Variants in FMN2 observed in about 807,000 individuals in gnomAD.
The protein encoded by FMN2 is formin-2.
In FMN2, 51 loss-of-function variants were observed where a neutral mutation model predicts 142.3. The ratio of observed to expected loss-of-function variants is 0.36; its 90% confidence interval spans 0.29 to 0.45. The LOEUF is 0.45. Among genes scored for constraint, FMN2 ranks in the 20% least tolerant of loss-of-function variants. The pLI is 1.00. For synonymous variants in FMN2, 882 were observed against 869.8 expected, an observed-to-expected ratio of 1.01 and a Z score of -0.25; for missense variants, 1,936 against 2,122.8, an observed-to-expected ratio of 0.91 and a Z score of 1.73.
chr1:240,275,244 C>G lies in FMN2; in HGVS notation c.4153+17212C>G, dbSNP rs184766406. 3.5e-3 allele frequency among the ~76,000 whole-genome samples: 526 copies of G among 152,042 alleles called. 4 individuals are homozygous for G. The highest frequency in any genetic ancestry group is 0.025 in the South Asian group (122 of 4,802). ...CCTAATGCTATCCCTCCCCTAGCCC[C>G]CCAACCCCAAACAGGCCCCAGTGTG... On this transcript the variant is annotated intron_variant, in intron 7 of 17. Coordinates refer to ENST00000319653, the MANE Select transcript of FMN2 (RefSeq NM_020066.5).
chr1:240,314,003 C>T (rs1419726430), intron 8 of FMN2, among the ~76,000 whole-genome samples: 1 of 152,020 alleles, frequency 6.6e-6, no homozygotes, highest in Non-Finnish European at 1.5e-5. Context: ...TGTTAACATC[C>T]TGAAAAATAT....
chr1:240,244,476 G>A (rs989756173), intron 6 of FMN2, among the ~76,000 whole-genome samples: 3 of 152,108 alleles, frequency 2.0e-5, no homozygotes, highest in East Asian at 1.9e-4. Context: ...TTCCGAATTA[G>A]CAATAAACAC....
At chr1:240,381,010 A>AT (rs955901680) in intron 14 of FMN2, among the ~76,000 whole-genome samples, 2 of 152,138 alleles carry the variant, frequency 1.3e-5, no homozygotes, top group African/African-American at 4.8e-5. Flanking sequence ...TGAGTCAGTA[A>AT]TTTTTTTAAA....
At chr1:240,322,694 A>G (rs1488036026) in intron 8 of FMN2, among the ~76,000 whole-genome samples, 1 of 152,158 alleles carries the variant, frequency 6.6e-6, no homozygotes, top group East Asian at 1.9e-4. Context: ...TGAGCCTTTC[A>G]GACCGAGGAA....
intron 16 of FMN2, among the ~76,000 whole-genome samples, chr1:240,449,921 C>A (rs1675948048): frequency 6.6e-6 from 1 of 152,012 alleles, no homozygotes; most frequent in Non-Finnish European, 1.5e-5. Flanking sequence ...TACTTAAGAT[C>A]TTTAAGATCT....
At chr1:240,259,581 G>A (rs1220511273) in intron 7 of FMN2, among the ~76,000 whole-genome samples, 1 of 148,448 alleles carries the variant, frequency 6.7e-6, no homozygotes, top group African/African-American at 2.5e-5. Context: ...CTGCCTTGGT[G>A]TATTGTCTGC....
At chr1:240,307,586 T>C (rs1670453516) in intron 8 of FMN2, among the ~76,000 whole-genome samples, 1 of 152,234 alleles carries the variant, frequency 6.6e-6, no homozygotes, top group Non-Finnish European at 1.5e-5. Flanking sequence ...GGATCTCTGT[T>C]CTGATCCATT....
chr1:240,377,886 T>C (rs974568509), intron 14 of FMN2, among the ~76,000 whole-genome samples: 2 of 152,094 alleles, frequency 1.3e-5, no homozygotes, highest in African/African-American at 4.8e-5. Flanking sequence ...TATATTATAT[T>C]CCCATGTAAT....
chr1:240,175,181 T>G (rs560117638), intron 2 of FMN2, among the ~76,000 whole-genome samples: 1 of 152,364 alleles, frequency 6.6e-6, no homozygotes, highest in African/African-American at 2.4e-5. Context: ...AAAGGCTAAA[T>G]AATTTCCCAG....
chr1:240,102,451 T>A (rs1661448254), intron 1 of FMN2, among the ~76,000 whole-genome samples: 1 of 152,214 alleles, frequency 6.6e-6, no homozygotes, highest in South Asian at 2.1e-4. Flanking sequence ...ACTCATTTTT[T>A]AACCTATATA....
intron 5 of FMN2, among the ~76,000 whole-genome samples, chr1:240,209,852 C>T (rs887810420): frequency 9.9e-5 from 15 of 151,782 alleles, no homozygotes; most frequent in South Asian, 2.1e-4. Flanking sequence ...TGCAGTGAGC[C>T]GAGATCGCGC....
chr1:240,198,145 G>T (rs1479106556), intron 4 of FMN2, among the ~76,000 whole-genome samples: 2 of 152,168 alleles, frequency 1.3e-5, no homozygotes, highest in Non-Finnish European at 2.9e-5. Context: ...CATTACTTGA[G>T]ACAATTAAGG....
rs1661957808 is a variant in FMN2, at chr1:240,114,803, A to G, written c.1616-8376A>G. On this transcript the variant is annotated intron_variant, in intron 1 of 17. Coordinates refer to ENST00000319653, the MANE Select transcript of FMN2 (RefSeq NM_020066.5). ...TTCCAGAGCAGCTGGAACTACAGGCATGCTCCACCATGCCCAGCTAATTTT... is the reference window on the plus strand; with the variant it reads ...TTCCAGAGCAGCTGGAACTACAGGCGTGCTCCACCATGCCCAGCTAATTTT... Among the ~76,000 whole-genome samples the G allele has an allele frequency of 2.6e-5, 4 of 151,994 alleles. No individual in the cohort carries two copies. In the South Asian group the frequency reaches 8.3e-4, roughly 32 times the overall value.
At chr1:240,419,841 A>G (rs1435143735) in intron 15 of FMN2, among the ~76,000 whole-genome samples, 3 of 152,084 alleles carry the variant, frequency 2.0e-5, no homozygotes, top group Admixed American at 6.6e-5. Flanking sequence ...ATGATTTTCT[A>G]TAGAGCAGCC....
intron 6 of FMN2, among the ~76,000 whole-genome samples, chr1:240,225,696 C>A (rs1667273673): frequency 6.6e-6 from 1 of 152,000 alleles, no homozygotes; most frequent in Non-Finnish European, 1.5e-5. Flanking sequence ...CACAGGAAAA[C>A]AAACAGGCAA....
chr1:240,166,467 C>T (rs920120476), intron 2 of FMN2, among the ~76,000 whole-genome samples: 13 of 151,964 alleles, frequency 8.6e-5, no homozygotes, highest in Non-Finnish European at 1.5e-4. Context: ...TGACCTCAGG[C>T]GATCCACCTG....
chr1:240,395,504 A>T (rs988678327), intron 15 of FMN2, among the ~76,000 whole-genome samples: 4 of 152,234 alleles, frequency 2.6e-5, no homozygotes, highest in Non-Finnish European at 5.9e-5. Context: ...ACCATTCTAG[A>T]TGCCATCAAT....
At chr1:240,109,508 C>A (rs1168994345) in intron 1 of FMN2, among the ~76,000 whole-genome samples, 2 of 152,112 alleles carry the variant, frequency 1.3e-5, no homozygotes, top group Admixed American at 6.5e-5. Context: ...GGAGACTCTC[C>A]CTGCTCTATG....
chr1:240,466,878 A>C (rs775762667), intron 16 of FMN2, among the ~76,000 whole-genome samples: 5 of 152,142 alleles, frequency 3.3e-5, no homozygotes, highest in Non-Finnish European at 5.9e-5. Context: ...GGCTGGGGAG[A>C]AGCCTGCGAC....
Sources: allele counts gnomAD v4.1 joint callset (sites outside exome capture counted in the v4.1 genomes callset), GRCh38; gene constraint gnomAD v4.1.1; transcripts MANE v1.5; gene names NCBI Gene and HGNC (gene_info 2026-07-23, HGNC 2026-07-21).